TPO: variants seen among roughly 807,000 people sequenced by gnomAD.
The protein encoded by TPO is thyroid microsomal antigen.
Under a neutral mutation model 96.9 loss-of-function variants are expected in TPO, and 78 were observed. The observed-to-expected ratio is 0.81, with a 90% CI of 0.67 to 0.97. The LOEUF is 0.97. Among genes scored for constraint, TPO ranks in the 50% least tolerant of loss-of-function variants. The pLI, the probability that TPO is intolerant of heterozygous loss-of-function variation, is 0.00. For synonymous variants in TPO, 547 were observed against 538.0 expected, an observed-to-expected ratio of 1.02 and a Z score of -0.23; for missense variants, 1,252 against 1,274.8, an observed-to-expected ratio of 0.98 and a Z score of 0.27.
At chr2:1,494,190 GCTT>G (rs1672096821) in intron 11 of TPO, 151 bp downstream of exon 11, 3 of 835,048 alleles carry the variant, frequency 3.6e-6, no homozygotes, top group Non-Finnish European at 6.0e-6. Flanking sequence ...CCCACCCACA[GCTT>G]CTTTAACCTA....
At chr2:1,475,872 C>G (rs1402301137) in intron 7 of TPO, among the ~76,000 whole-genome samples, 2 of 152,238 alleles carry the variant, frequency 1.3e-5, no homozygotes, top group African/African-American at 4.8e-5. Context: ...AGCTGCCAGG[C>G]CTGGGCGCTG....
At chr2:1,534,117 C>T (rs1356624932) in intron 15 of TPO, among the ~76,000 whole-genome samples, 3 of 74,750 alleles carry the variant, frequency 4.0e-5, no homozygotes, top group African/African-American at 1.4e-4. Flanking sequence ...CCACTCTGTG[C>T]AACCTCCCCA....
At chr2:1,521,618 G>A (rs779495210) in intron 15 of TPO, among the ~76,000 whole-genome samples, 15 of 152,150 alleles carry the variant, frequency 9.9e-5, no homozygotes, top group Non-Finnish European at 1.5e-4. Context: ...TCTTCAGGAC[G>A]TCATTAGGGA....
At position 1,535,695 on chromosome 2, in the gene TPO, C is replaced by T. The variant is rs144413827; in HGVS notation, c.2619-4899C>T. Among the ~76,000 whole-genome samples the T allele has an allele frequency of 1.1e-3, 109 of 96,030 alleles. 9 individuals are homozygous for T. The East Asian group carries it at 0.032, about 28-fold the overall frequency. 63.0% of individuals were successfully genotyped at this position (96,030 alleles called of 152,430 possible). On this transcript the variant is annotated intron_variant, in intron 15 of 16. Coordinates refer to ENST00000329066, the MANE Select transcript of TPO (RefSeq NM_001206744.2). ...TCTGTGCAACCTCCCCACATGCCCCCAGTGTGTGCAACCTCCCGAAATCCA... is the reference window on the plus strand; with the variant it reads ...TCTGTGCAACCTCCCCACATGCCCCTAGTGTGTGCAACCTCCCGAAATCCA...
intron 1 of TPO, among the ~76,000 whole-genome samples, chr2:1,397,748 C>T (rs1359423173): frequency 2.6e-5 from 4 of 152,130 alleles, no homozygotes; most frequent in Admixed American, 2.6e-4. Flanking sequence ...CTCCATCCTC[C>T]TCTCTCTGCC....
intron 13 of TPO, among the ~76,000 whole-genome samples, chr2:1,499,197 G>A (rs1672636723): frequency 6.6e-6 from 1 of 151,910 alleles, no homozygotes; most frequent in Non-Finnish European, 1.5e-5. Context: ...GTGTGGAGCT[G>A]CCCCCTGTGC....
chr2:1,504,287 C>T (rs900854544), intron 14 of TPO, among the ~76,000 whole-genome samples: 3 of 152,176 alleles, frequency 2.0e-5, no homozygotes, highest in African/African-American at 7.2e-5. Flanking sequence ...CTGCAGAGAC[C>T]CTCGAAGCAC....
intron 1 of TPO, 185 bp downstream of exon 1, chr2:1,413,730 C>T (rs1238032494): frequency 2.0e-6 from 2 of 985,186 alleles, no homozygotes; most frequent in Non-Finnish European, 2.4e-6. Flanking sequence ...ACATGTGAGT[C>T]CTGTAGGGTC....
At chr2:1,478,308 G>A (rs1573354807) in intron 8 of TPO, 1 of 985,438 alleles carries the variant, frequency 1.0e-6, no homozygotes. Flanking sequence ...GAAGAAGGAT[G>A]GGCTGTTTGA....
At chr2:1,539,833 C>CT in intron 15 of TPO, among the ~76,000 whole-genome samples, 1 of 139,384 alleles carries the variant, frequency 7.2e-6, no homozygotes, top group Middle Eastern at 3.8e-3. Flanking sequence ...TGAATGACCA[C>CT]CAAGGCAAGG....
At chr2:1,512,091 T>C (rs950417323) in intron 14 of TPO, among the ~76,000 whole-genome samples, 1 of 152,086 alleles carries the variant, frequency 6.6e-6, no homozygotes. Flanking sequence ...TGGAGTGCAG[T>C]GGCGCGATCT....
intron 5 of TPO, among the ~76,000 whole-genome samples, chr2:1,445,639 G>C (rs1437948213): frequency 1.5e-5 from 2 of 130,326 alleles, no homozygotes; most frequent in Non-Finnish European, 3.2e-5. Flanking sequence ...AATGGGGCAG[G>C]CTCCTTGTTT....
At chr2:1,449,303 A>G (rs1311197541) in intron 5 of TPO, among the ~76,000 whole-genome samples, 2 of 152,330 alleles carry the variant, frequency 1.3e-5, no homozygotes, top group South Asian at 2.1e-4. Context: ...TGTTAAAAAC[A>G]CCTCATATCT....
At chr2:1,450,378 G>A (rs1200306404) in intron 5 of TPO, among the ~76,000 whole-genome samples, 1 of 152,192 alleles carries the variant, frequency 6.6e-6, no homozygotes, top group African/African-American at 2.4e-5. Context: ...TGGGAGAGGG[G>A]AACTAGGGTC....
chr2:1,458,713 A>G (rs2148606738), intron 7 of TPO, among the ~76,000 whole-genome samples: 2 of 152,284 alleles, frequency 1.3e-5, no homozygotes, highest in East Asian at 3.9e-4. Flanking sequence ...GTGTCACATC[A>G]TGTGCATGCT....
intron 4 of TPO, among the ~76,000 whole-genome samples, chr2:1,435,253 C>T (rs1395134206): frequency 6.6e-6 from 1 of 152,206 alleles, no homozygotes; most frequent in East Asian, 1.9e-4. Context: ...TTCTATCGCA[C>T]ATGATTTGTT....
At chr2:1,384,441 G>T (rs1282964021) in intron 1 of TPO, among the ~76,000 whole-genome samples, 1 of 152,084 alleles carries the variant, frequency 6.6e-6, no homozygotes, top group African/African-American at 2.4e-5. Flanking sequence ...CTTGTAAGTT[G>T]GATTCCTAGG....
At chr2:1,412,276 A>C (rs1366978148), upstream of TPO, among the ~76,000 whole-genome samples, 1 of 152,194 alleles carries the variant, frequency 6.6e-6, no homozygotes, top group Non-Finnish European at 1.5e-5. Context: ...AGGATGGCTG[A>C]ATCCTCAGAG....
At chr2:1,441,786 GT>G (rs1278515786) in intron 5 of TPO, among the ~76,000 whole-genome samples, 2 of 152,300 alleles carry the variant, frequency 1.3e-5, no homozygotes, top group African/African-American at 4.8e-5. Flanking sequence ...GCCTGAGGAT[GT>G]CCTGCAGAAA....
Sources: gnomAD v4.1 joint callset for allele counts (sites outside exome capture counted in the v4.1 genomes callset) on GRCh38, gnomAD v4.1.1 for gene constraint, MANE v1.5 for transcripts, NCBI Gene and HGNC (gene_info 2026-07-23, HGNC 2026-07-21) for gene names.